Variants in TXLNB observed in about 807,000 individuals in gnomAD.
TXLNB encodes taxilin beta.
Under a neutral mutation model 57.4 loss-of-function variants are expected in TXLNB, and 37 were observed. The observed-to-expected ratio is 0.64, with a 90% CI of 0.50 to 0.85. The LOEUF (loss-of-function observed/expected upper bound fraction) is 0.85, where lower values mean the gene tolerates loss of function less well. TXLNB is among the 40% of genes least tolerant of loss of function. The pLI is 0.00. For missense variants in TXLNB, 848 were observed against 825.6 expected (o/e 1.03, Z -0.33); for synonymous variants, 302 against 309.6 (o/e 0.98, Z 0.26).
Position 139,241,504 on chromosome 6 carries a change from T to A in TXLNB, c.*1022A>T, listed in dbSNP as rs1292715123. ...GGATCAAAGCACAGCCCCTTCTTAG[T>A]GTGAGGTCCCTTAACCCCTCAATCC... On this transcript the variant is annotated 3_prime_UTR_variant, in exon 10 of 10. Transcript: ENST00000358430. 1 of 152,144 alleles carries A rather than the reference T, an allele frequency of 6.6e-6. No homozygotes were observed. The highest frequency in any genetic ancestry group is 2.4e-5 in the African/African-American group (1 of 41,418). 9.4% of individuals were successfully genotyped at this position (152,144 alleles called of 1,614,324 possible).
the TXLNB span, among the ~76,000 whole-genome samples, chr6:139,213,346 T>C: frequency 4.0e-3 from 611 of 152,212 alleles, 2 homozygotes; most frequent in Middle Eastern, 0.014. Context: ...CTCAACTACA[T>C]GGAAACTGAA....
chr6:139,232,173 C>T, the TXLNB span, among the ~76,000 whole-genome samples: 3 of 152,162 alleles, frequency 2.0e-5, no homozygotes, highest in African/African-American at 7.2e-5. Flanking sequence ...AGGAAACTTA[C>T]AATCATGGCA....
chr6:139,266,590 C>A (rs116706407), intron 4 of TXLNB, among the ~76,000 whole-genome samples: 1 of 151,944 alleles, frequency 6.6e-6, no homozygotes, highest in South Asian at 2.1e-4. Context: ...AAGACTGACT[C>A]GAAGACCTGT....
the TXLNB span, among the ~76,000 whole-genome samples, chr6:139,199,365 C>T: frequency 6.6e-6 from 1 of 152,202 alleles, no homozygotes; most frequent in Non-Finnish European, 1.5e-5. Flanking sequence ...TACCTGATGT[C>T]CTTTTACCAG....
rs57130404 is a variant in TXLNB, at chr6:139,240,467, G to C, written c.*2059C>G. 0.11 allele frequency: 17,544 copies of C among 152,586 alleles called. 3,046 individuals are homozygous for C. Among genetic ancestry groups the C allele is most frequent in the African/African-American group, 0.37 (15,527 of 41,468 alleles). 9.5% of individuals were successfully genotyped at this position (152,586 alleles called of 1,614,324 possible). ...TGATTTACTGCCTTTGGGTTCCTCT[G>C]CTGCCTGTTTCTCTTGCTAAATATT... On this transcript the variant is annotated 3_prime_UTR_variant, in exon 10 of 10. Transcript: ENST00000358430.
the TXLNB span, among the ~76,000 whole-genome samples, chr6:139,161,256 G>A: frequency 6.6e-6 from 1 of 152,146 alleles, no homozygotes; most frequent in Non-Finnish European, 1.5e-5. Flanking sequence ...ATAGGGTGAA[G>A]TGTCTGTTGT....
chr6:139,186,593 C>T, the TXLNB span, among the ~76,000 whole-genome samples: 1 of 152,166 alleles, frequency 6.6e-6, no homozygotes, highest in South Asian at 2.1e-4. Flanking sequence ...TGTGCCTAAC[C>T]TATGTCCCAT....
chr6:139,270,817 C>T (rs761870304), intron 3 of TXLNB, among the ~76,000 whole-genome samples, 191 bp from the exon 4 acceptor site: 18 of 152,308 alleles, frequency 1.2e-4, no homozygotes, highest in Non-Finnish European at 2.2e-4. Flanking sequence ...GTTTTTAGAA[C>T]ACAGCATTGA....
At chr6:139,305,331 T>G in the TXLNB span, among the ~76,000 whole-genome samples, 1 of 152,162 alleles carries the variant, frequency 6.6e-6, no homozygotes, top group Non-Finnish European at 1.5e-5. Context: ...TACTAATATT[T>G]TAAAATATTG....
the TXLNB span, among the ~76,000 whole-genome samples, chr6:139,211,911 T>G: frequency 1.3e-5 from 2 of 151,990 alleles, no homozygotes; most frequent in African/African-American, 4.8e-5. Flanking sequence ...AAATGAACTG[T>G]GAAGAGAAGT....
the TXLNB span, among the ~76,000 whole-genome samples, chr6:139,298,327 A>G: frequency 1.7e-4 from 26 of 152,232 alleles, no homozygotes; most frequent in Non-Finnish European, 3.7e-4. Flanking sequence ...TCTTATAAAT[A>G]ATGCAGACAG....
chr6:139,193,854 T>A, the TXLNB span, among the ~76,000 whole-genome samples: 19 of 116,214 alleles, frequency 1.6e-4, no homozygotes, highest in South Asian at 5.4e-4. Context: ...TTTTTTTTTT[T>A]TTTTTGAGAC....
At position 139,286,642 on chromosome 6, in the gene TXLNB, G is replaced by C. The variant is rs902132196; in HGVS notation, c.424+1834C>G. On this transcript the variant is annotated intron_variant, in intron 2 of 9. Transcript: ENST00000358430. ...CAGGAGATGAGTGGCAGGCGACAGAGCAAAACTTCATCTGTATTTGCAGCT... is the reference window on the plus strand; with the variant it reads ...CAGGAGATGAGTGGCAGGCGACAGACCAAAACTTCATCTGTATTTGCAGCT... Among the ~76,000 whole-genome samples the C allele has an allele frequency of 5.3e-5, 8 of 152,190 alleles. No homozygotes were observed. The South Asian group carries it at 1.4e-3, about 28-fold the overall frequency.
At chr6:139,210,869 G>A in the TXLNB span, among the ~76,000 whole-genome samples, 22 of 152,244 alleles carry the variant, frequency 1.4e-4, no homozygotes, top group Non-Finnish European at 2.6e-4. Flanking sequence ...TACGCCCACG[G>A]AGCCTCACTC....
the TXLNB span, among the ~76,000 whole-genome samples, chr6:139,301,392 T>C: frequency 6.6e-6 from 1 of 152,164 alleles, no homozygotes; most frequent in Non-Finnish European, 1.5e-5. Context: ...TTAAAAGTAA[T>C]AATACCTGCT....
chr6:139,242,838 A>G lies in TXLNB; in HGVS notation c.1743T>C (p.Pro581=), dbSNP rs771666555. The G allele has an allele frequency of 1.2e-6, 2 of 1,613,950 alleles. No homozygotes were observed. Among genetic ancestry groups the G allele is most frequent in the East Asian group, 4.5e-5 (2 of 44,862 alleles). The change falls in exon 10 of 10, where the codon CCT becomes CCC. Residue 581 remains proline, a synonymous_variant. Coordinates refer to ENST00000358430, the MANE Select transcript of TXLNB (RefSeq NM_153235.4). ...AEPPSKASNS[P]AGLGAETQCE... ...ATTGGGTTTCTGCTCCCAACCCGGC[A>G]GGAGAATTACTGGCCTTGGAGGGAG...
the TXLNB span, chr6:139,176,813 T>G: frequency 1.6e-6 from 1 of 641,728 alleles, no homozygotes; most frequent in South Asian, 2.1e-5. The surrounding 1 kb of genome is among the most constrained non-coding windows in gnomAD (Gnocchi z 4.5). Flanking sequence ...CCCGTTTCCA[T>G]GTTTTTGGTA....
chr6:139,295,352 A>G (rs1777370485), upstream of TXLNB, among the ~76,000 whole-genome samples: 1 of 152,238 alleles, frequency 6.6e-6, no homozygotes. Context: ...ATCAACGTTA[A>G]AAGAACACAA....
At chr6:139,185,558 G>A in the TXLNB span, among the ~76,000 whole-genome samples, 3 of 152,182 alleles carry the variant, frequency 2.0e-5, no homozygotes, top group Admixed American at 6.5e-5. Flanking sequence ...AAAATTAGCC[G>A]GACGTGGTGG....
Sources: allele counts gnomAD v4.1 joint callset (sites outside exome capture counted in the v4.1 genomes callset), GRCh38; gene constraint gnomAD v4.1.1; non-coding constraint Gnocchi (gnomAD v3.1); transcripts MANE v1.5; gene names NCBI Gene and HGNC (gene_info 2026-07-23, HGNC 2026-07-21).